The following ADAMTS17 variants were observed in gnomAD, a reference collection of about 807,000 sequenced individuals.
The protein encoded by ADAMTS17 is A disintegrin and metalloproteinase with thrombospondin motifs 17.
A neutral mutation model predicts 141.5 loss-of-function variants in ADAMTS17; 113 were observed. The observed-to-expected ratio is 0.80, with a 90% CI of 0.69 to 0.93. ADAMTS17 has a LOEUF of 0.93. ADAMTS17 is among the 40% of genes least tolerant of loss of function. The pLI is 0.00. For missense variants in ADAMTS17, 1,659 were observed against 1,517.9 expected (o/e 1.09, Z -1.54); for synonymous variants, 768 against 630.6 (o/e 1.22, Z -3.27).
chr15:100,314,521 AAG>A (rs147353376), intron 3 of ADAMTS17, among the ~76,000 whole-genome samples: 1 of 152,356 alleles, frequency 6.6e-6, no homozygotes, highest in African/African-American at 2.4e-5. Flanking sequence ...GAACACCATA[AAG>A]AGAGAAAAAT....
chr15:100,234,183 G>T (rs2042581856), intron 7 of ADAMTS17, among the ~76,000 whole-genome samples: 1 of 152,166 alleles, frequency 6.6e-6, no homozygotes. Flanking sequence ...GGAGTGGACA[G>T]GCATTGCAGA....
At chr15:99,991,891 A>G (rs1374626655) in intron 20 of ADAMTS17, among the ~76,000 whole-genome samples, 3 of 152,188 alleles carry the variant, frequency 2.0e-5, no homozygotes, top group Admixed American at 6.5e-5. Flanking sequence ...ATGAAGCTGG[A>G]AACCATCATT....
At chr15:100,148,091 CACT>C (rs1567255261) in intron 10 of ADAMTS17, among the ~76,000 whole-genome samples, 6 of 152,242 alleles carry the variant, frequency 3.9e-5, no homozygotes, top group Non-Finnish European at 7.3e-5. Flanking sequence ...CTCTTGAGTA[CACT>C]GGGCCACCCA....
chr15:100,285,326 T>C (rs944142474), intron 3 of ADAMTS17, among the ~76,000 whole-genome samples: 1 of 152,226 alleles, frequency 6.6e-6, no homozygotes. Context: ...TGAGCAAATA[T>C]ATAAACTGTC....
At chr15:100,151,637 T>A (rs1351835945) in intron 10 of ADAMTS17, among the ~76,000 whole-genome samples, 1 of 152,180 alleles carries the variant, frequency 6.6e-6, no homozygotes, top group Admixed American at 6.5e-5. Flanking sequence ...GAGTTCCACA[T>A]ACCCCTGGCT....
intron 3 of ADAMTS17, among the ~76,000 whole-genome samples, chr15:100,329,526 C>CAAAA (rs35680287): frequency 7.8e-6 from 1 of 128,162 alleles, no homozygotes; most frequent in Non-Finnish European, 1.7e-5. Flanking sequence ...ATCGTGTCTC[C>CAAAA]AAAAAAAAAA....
At chr15:100,200,870 T>TCCC (rs1370016760) in intron 7 of ADAMTS17, among the ~76,000 whole-genome samples, 1 of 148,992 alleles carries the variant, frequency 6.7e-6, no homozygotes, top group African/African-American at 2.5e-5. Context: ...GCACCTGCTC[T>TCCC]CCATGGGCTG....
chr15:100,158,239 T>C (rs1038960694), intron 8 of ADAMTS17, among the ~76,000 whole-genome samples: 1 of 152,190 alleles, frequency 6.6e-6, no homozygotes, highest in Admixed American at 6.5e-5. Context: ...ACTCAGCTTT[T>C]TACTTTACTT....
At chr15:99,992,947 G>T in intron 20 of ADAMTS17, 101 bp downstream of exon 20, 3 of 1,461,474 alleles carry the variant, frequency 2.1e-6, no homozygotes, top group African/African-American at 1.4e-5. Flanking sequence ...GTTACGCTGG[G>T]ACTGCCGCGT....
intron 15 of ADAMTS17, chr15:100,063,754 T>C (rs2141670795): frequency 3.1e-6 from 4 of 1,290,004 alleles, no homozygotes; most frequent in Non-Finnish European, 4.0e-6. Context: ...GCAGCTTCGA[T>C]ATAACCTGTA....
chr15:100,249,510 T>C (rs937991596), intron 7 of ADAMTS17, among the ~76,000 whole-genome samples: 2 of 152,182 alleles, frequency 1.3e-5, no homozygotes, highest in African/African-American at 4.8e-5. Flanking sequence ...CCCTGGGCTG[T>C]TGGGGGGAGA....
intron 8 of ADAMTS17, among the ~76,000 whole-genome samples, chr15:100,169,605 C>T (rs1252295263): frequency 3.9e-5 from 6 of 152,192 alleles, no homozygotes; most frequent in South Asian, 2.1e-4. Flanking sequence ...CCTCCATACA[C>T]GGTGCAGTCA....
intron 18 of ADAMTS17, among the ~76,000 whole-genome samples, chr15:100,037,859 C>A (rs1471901757): frequency 6.6e-6 from 1 of 152,086 alleles, no homozygotes; most frequent in Non-Finnish European, 1.5e-5. Context: ...AGATTCACTG[C>A]AGCCTCGACC....
intron 3 of ADAMTS17, among the ~76,000 whole-genome samples, chr15:100,317,303 C>T (rs997761007): frequency 1.9e-4 from 29 of 152,208 alleles, no homozygotes; most frequent in African/African-American, 6.3e-4. Flanking sequence ...GTAATGATGA[C>T]GACTGAACAC....
intron 8 of ADAMTS17, among the ~76,000 whole-genome samples, chr15:100,192,931 G>T (rs971834054): frequency 4.6e-5 from 7 of 152,208 alleles, no homozygotes; most frequent in African/African-American, 1.4e-4. Context: ...CACTTTGCAG[G>T]GATCAGATTC....
chr15:100,140,526 A>G (rs2038589964), intron 10 of ADAMTS17, among the ~76,000 whole-genome samples: 1 of 105,924 alleles, frequency 9.4e-6, no homozygotes, highest in South Asian at 3.2e-4. Context: ...AGACGTGTGG[A>G]ATGTATGAAT....
At position 100,155,816 on chromosome 15, in the gene ADAMTS17, C is replaced by A. The variant is rs180938211; in HGVS notation, c.1182-496G>T. Among the ~76,000 whole-genome samples, 14 of 152,332 alleles carry A rather than the reference C, an allele frequency of 9.2e-5. No individual in the cohort carries two copies. In the East Asian group the frequency reaches 2.5e-3, roughly 27 times the overall value. The stretch of plus-strand genomic sequence containing the variant: ...CAGAGTATGGCTTTTCTATCTTTCA[C>A]ATCTAACAAGATCACACCTGTCACC... On this transcript the variant is annotated intron_variant, in intron 8 of 21. Transcript: ENST00000268070.
intron 3 of ADAMTS17, among the ~76,000 whole-genome samples, chr15:100,329,408 G>A (rs1351460129): frequency 1.3e-5 from 2 of 151,882 alleles, no homozygotes; most frequent in Admixed American, 6.6e-5. Flanking sequence ...GGTGGTGCAC[G>A]CCTGTGGTCC....
chr15:100,140,663 T>C (rs1415882037), intron 10 of ADAMTS17, among the ~76,000 whole-genome samples: 1 of 152,032 alleles, frequency 6.6e-6, no homozygotes, highest in Non-Finnish European at 1.5e-5. Flanking sequence ...AGACAGACAC[T>C]TCCTGTTCCC....
Sources: gnomAD v4.1 joint callset for allele counts (sites outside exome capture counted in the v4.1 genomes callset) on GRCh38, gnomAD v4.1.1 for gene constraint, MANE v1.5 for transcripts, NCBI Gene and HGNC (gene_info 2026-07-23, HGNC 2026-07-21) for gene names.